SLX4IP: variants seen among roughly 807,000 people sequenced by gnomAD.
SLX4IP encodes SLX4 interacting protein, also known as protein SLX4IP.
A neutral mutation model predicts 32.9 loss-of-function variants in SLX4IP; 34 were observed. That is an observed-to-expected ratio of 1.03 (90% CI 0.79 to 1.38). SLX4IP has a LOEUF of 1.38. Among genes scored for constraint, SLX4IP ranks in the 40% most tolerant of loss-of-function variants. The pLI, the probability that SLX4IP is intolerant of heterozygous loss-of-function variation, is 0.00. For missense variants in SLX4IP, 444 were observed against 479.0 expected, an observed-to-expected ratio of 0.93 and a Z score of 0.68; for synonymous variants, 172 against 171.7, an observed-to-expected ratio of 1.00 and a Z score of -0.01.
At position 10,627,246 on chromosome 20, in the gene SLX4IP, T is replaced by C. The variant is rs6074161; in HGVS notation, c.*3867T>C. ...CATTTTAATTTCTTCTTTTCTCTTA[T>C]GGGGAAATTTCCATGCTTGGTTTGT... On this transcript the variant is annotated 3_prime_UTR_variant, in exon 8 of 8. Coordinates refer to ENST00000334534, the MANE Select transcript of SLX4IP (RefSeq NM_001009608.3). 1 of 152,352 alleles carries C rather than the reference T, an allele frequency of 6.6e-6. No individual in the cohort carries two copies. The highest frequency in any genetic ancestry group is 6.5e-5 in the Admixed American group (1 of 15,302). The allele number at this position is 152,352 out of a possible 1,614,324, so 9.4% of individuals were successfully genotyped here. A position where few individuals can be genotyped will look rare whatever the true frequency, so the allele number is the denominator to read the frequency against.
intron 4 of SLX4IP, among the ~76,000 whole-genome samples, chr20:10,572,166 C>G (rs1162751448): frequency 6.6e-6 from 1 of 152,180 alleles, no homozygotes; most frequent in Non-Finnish European, 1.5e-5. Flanking sequence ...AGAACCCTTT[C>G]TCTACAGATG....
At chr20:10,448,095 T>C (rs2065215459) in intron 1 of SLX4IP, among the ~76,000 whole-genome samples, 3 of 151,916 alleles carry the variant, frequency 2.0e-5, no homozygotes, top group African/African-American at 7.3e-5. Flanking sequence ...TGTTTGTTTG[T>C]TTTTAAGTAG....
rs1353258677 is a variant in SLX4IP at position 10,626,044 on chromosome 20, T to C, written c.*2665T>C. On this transcript the variant is annotated 3_prime_UTR_variant, in exon 8 of 8. Transcript: ENST00000334534. Reference sequence around the variant, plus strand: ...TTTTTTTTTTTTTTGAGACAGAGTCTCGCTCTGTCGCCCAGGCTGGAGTGC... The same window carrying C: ...TTTTTTTTTTTTTTGAGACAGAGTCCCGCTCTGTCGCCCAGGCTGGAGTGC... The C allele has an allele frequency of 7.3e-6, 1 of 136,238 alleles. No homozygotes were observed. Among genetic ancestry groups the C allele is most frequent in the Admixed American group, 8.0e-5 (1 of 12,552 alleles). The allele number at this position is 136,238 out of a possible 1,614,324, so 8.4% of individuals were successfully genotyped here.
intron 4 of SLX4IP, among the ~76,000 whole-genome samples, chr20:10,594,436 G>C (rs1333944721): frequency 1.3e-5 from 2 of 152,156 alleles, no homozygotes; most frequent in Non-Finnish European, 2.9e-5. Flanking sequence ...GTCCATGAAT[G>C]GTCTCGTAAT....
At chr20:10,448,525 G>A (rs147759944) in intron 1 of SLX4IP, among the ~76,000 whole-genome samples, 2 of 152,308 alleles carry the variant, frequency 1.3e-5, no homozygotes, top group Admixed American at 6.5e-5. Context: ...CAAAGCCTTC[G>A]CACACTGAAG....
intron 1 of SLX4IP, among the ~76,000 whole-genome samples, chr20:10,445,627 C>CTT (rs35240560): frequency 6.9e-5 from 9 of 131,282 alleles, no homozygotes; most frequent in Non-Finnish European, 1.1e-4. Context: ...TGAGATTGCC[C>CTT]TTTTTTTTTT....
intron 7 of SLX4IP, among the ~76,000 whole-genome samples, chr20:10,622,215 A>T (rs1163596006): frequency 6.6e-6 from 1 of 152,216 alleles, no homozygotes; most frequent in African/African-American, 2.4e-5. Flanking sequence ...TTTGGGTAAC[A>T]TCTTGAAATA....
chr20:10,589,613 T>C (rs1228439461), intron 4 of SLX4IP, among the ~76,000 whole-genome samples: 1 of 152,202 alleles, frequency 6.6e-6, no homozygotes, highest in Non-Finnish European at 1.5e-5. Flanking sequence ...GGATCTTCTG[T>C]TGAATACTCA....
intron 2 of SLX4IP, among the ~76,000 whole-genome samples, chr20:10,554,567 A>T (rs1344109888): frequency 6.6e-6 from 1 of 152,094 alleles, no homozygotes; most frequent in African/African-American, 2.4e-5. Context: ...AAAGTATGAG[A>T]GTCTGGGTTG....
intron 2 of SLX4IP, among the ~76,000 whole-genome samples, chr20:10,491,254 T>C (rs1449560471): frequency 1.3e-5 from 2 of 152,222 alleles, no homozygotes; most frequent in Non-Finnish European, 2.9e-5. Flanking sequence ...CCAAACATAA[T>C]ACCCATCAAC....
chr20:10,598,484 G>A (rs1215099883), intron 4 of SLX4IP, among the ~76,000 whole-genome samples, 191 bp from the exon 5 acceptor site: 1 of 152,202 alleles, frequency 6.6e-6, no homozygotes, highest in East Asian at 1.9e-4. Flanking sequence ...GGCTGGTCTC[G>A]AACTCCTGAC....
At chr20:10,517,049 C>CCA (rs2065856658) in intron 2 of SLX4IP, among the ~76,000 whole-genome samples, 1 of 152,218 alleles carries the variant, frequency 6.6e-6, no homozygotes, top group Non-Finnish European at 1.5e-5. Context: ...ATGGGAGGAA[C>CCA]TATGTATGAA....
At chr20:10,446,932 A>G (rs953337147) in intron 1 of SLX4IP, among the ~76,000 whole-genome samples, 6 of 152,152 alleles carry the variant, frequency 3.9e-5, no homozygotes, top group Non-Finnish European at 7.4e-5. Context: ...AATATGGCCA[A>G]AGCTGTCATT....
At chr20:10,603,853 C>T (rs980875615) in intron 6 of SLX4IP, among the ~76,000 whole-genome samples, 3 of 152,100 alleles carry the variant, frequency 2.0e-5, no homozygotes, top group African/African-American at 4.8e-5. Flanking sequence ...GTCCCTCTCC[C>T]ACAAATGACC....
At chr20:10,602,329 T>TCTGTCTCC (rs1368676219) in intron 6 of SLX4IP, among the ~76,000 whole-genome samples, 21 of 152,222 alleles carry the variant, frequency 1.4e-4, no homozygotes, top group East Asian at 3.9e-4. Context: ...TCTCTGTCTC[T>TCTGTCTCC]CTGTCTCCTT....
At chr20:10,617,191 TTG>T (rs1236720486) in intron 6 of SLX4IP, among the ~76,000 whole-genome samples, 2 of 152,196 alleles carry the variant, frequency 1.3e-5, no homozygotes, top group Admixed American at 6.5e-5. Context: ...CTGTACCAGT[TTG>T]TGTTTGTTTA....
At chr20:10,450,746 C>G (rs1254656278) in intron 1 of SLX4IP, among the ~76,000 whole-genome samples, 3 of 152,134 alleles carry the variant, frequency 2.0e-5, no homozygotes, top group Non-Finnish European at 4.4e-5. Context: ...TCATCGAAGG[C>G]CTAGTGGTTT....
At chr20:10,540,259 A>C (rs1385264173) in intron 2 of SLX4IP, among the ~76,000 whole-genome samples, 1 of 150,474 alleles carries the variant, frequency 6.6e-6, no homozygotes, top group Non-Finnish European at 1.5e-5. Context: ...AAAGCTAATC[A>C]ATGTGTGTTT....
chr20:10,470,370 C>T (rs535696560), intron 2 of SLX4IP, among the ~76,000 whole-genome samples: 9 of 152,234 alleles, frequency 5.9e-5, no homozygotes, highest in African/African-American at 1.4e-4. Flanking sequence ...GCAGCGTAGC[C>T]GTCATTAGCC....
Sources: allele counts gnomAD v4.1 joint callset (sites outside exome capture counted in the v4.1 genomes callset), GRCh38; gene constraint gnomAD v4.1.1; transcripts MANE v1.5; gene names NCBI Gene and HGNC (gene_info 2026-07-23, HGNC 2026-07-21).